WNT3: variants seen among roughly 807,000 people sequenced by gnomAD.
WNT3 encodes the protein proto-oncogene Wnt-3.
WNT3 carries 7 observed loss-of-function variants against 34.2 expected under a neutral mutation model. That is an observed-to-expected ratio of 0.20 (90% CI 0.12 to 0.38). The LOEUF (loss-of-function observed/expected upper bound fraction) is 0.38. WNT3 is among the 10% of genes least tolerant of loss of function. WNT3 has a pLI of 1.00. For missense variants in WNT3, 267 were observed against 499.8 expected, an observed-to-expected ratio of 0.53 and a Z score of 4.44; for synonymous variants, 212 against 211.5, an observed-to-expected ratio of 1.00 and a Z score of -0.02.
chr17:46,777,922 C>T (rs1371664937), intron 1 of WNT3, among the ~76,000 whole-genome samples: 1 of 152,198 alleles, frequency 6.6e-6, no homozygotes, highest in Non-Finnish European at 1.5e-5. Context: ...CCAGGTCCCA[C>T]CAACTGTGGA....
chr17:46,778,939 T>A (rs1289945823), intron 1 of WNT3, among the ~76,000 whole-genome samples: 1 of 152,056 alleles, frequency 6.6e-6, no homozygotes, highest in Non-Finnish European at 1.5e-5. Context: ...AACCTTCTTA[T>A]CCCAAAGTGC....
chr17:46,772,943 C>G (rs2059386459), intron 2 of WNT3, among the ~76,000 whole-genome samples: 1 of 152,178 alleles, frequency 6.6e-6, no homozygotes, highest in Non-Finnish European at 1.5e-5. Flanking sequence ...CGTTAAATTC[C>G]TGGACACTGC....
At chr17:46,770,379 T>C (rs559053692) in intron 2 of WNT3, among the ~76,000 whole-genome samples, 1 of 152,344 alleles carries the variant, frequency 6.6e-6, no homozygotes, top group South Asian at 2.1e-4. Context: ...CAGCCACTTC[T>C]GTCCTGGTCC....
At chr17:46,791,708 G>A (rs1188430863) in intron 1 of WNT3, among the ~76,000 whole-genome samples, 2 of 152,212 alleles carry the variant, frequency 1.3e-5, no homozygotes, top group South Asian at 4.1e-4. Flanking sequence ...AAGTAGGAAG[G>A]CATTTCTTCT....
At chr17:46,789,964 G>A (rs959662817) in intron 1 of WNT3, among the ~76,000 whole-genome samples, 10 of 152,090 alleles carry the variant, frequency 6.6e-5, no homozygotes, top group East Asian at 1.9e-4. Context: ...ATCCCCCCAC[G>A]GCGCTGAGGA....
chr17:46,796,251 G>A (rs8080199), intron 1 of WNT3, among the ~76,000 whole-genome samples: 129,274 of 152,266 alleles, frequency 0.85, 55,406 homozygotes, highest in East Asian at 0.94. Flanking sequence ...TAAAGCTTTT[G>A]TCACAGTCCC....
Position 46,769,915 on chromosome 17 carries a change from G to C in WNT3, c.456C>G (p.Gly152=), listed in dbSNP as rs1297837317. ...DSHHKGPPGE[G]WKWGGCSEDA... is the part of the protein sequence containing the mutation. ...CCTCGCTGCAGCCGCCCCACTTCCA[G>C]CCTTCGCCAGGCGGCCCCTTATGAT... The change falls in exon 3 of 5, where the codon GGC becomes GGG. Residue 152 remains glycine (G), a synonymous_variant. Transcript: ENST00000225512. The C allele has an allele frequency of 6.2e-7, 1 of 1,613,456 alleles. No individual in the cohort carries two copies. Among genetic ancestry groups the C allele is most frequent in the Non-Finnish European group, 8.5e-7 (1 of 1,179,908 alleles).
chr17:46,815,367 G>T (rs536785789), intron 1 of WNT3, among the ~76,000 whole-genome samples: 3 of 152,322 alleles, frequency 2.0e-5, no homozygotes, highest in Non-Finnish European at 1.5e-5. Flanking sequence ...CTTCTGTCAG[G>T]ACTGGGGTCT....
At chr17:46,772,326 G>A (rs1298585928) in intron 2 of WNT3, among the ~76,000 whole-genome samples, 1 of 152,236 alleles carries the variant, frequency 6.6e-6, no homozygotes, top group Non-Finnish European at 1.5e-5. Flanking sequence ...CTACGGTGGT[G>A]ACTTAAAACG....
chr17:46,791,317 G>A (rs1237061172), intron 1 of WNT3, among the ~76,000 whole-genome samples: 2 of 151,862 alleles, frequency 1.3e-5, no homozygotes, highest in Non-Finnish European at 2.9e-5. Flanking sequence ...AGGTTCAAGC[G>A]ATTCTCCTCC....
Position 46,768,692 on chromosome 17 carries a change from G to C in WNT3, c.696C>G (p.Asp232Glu). 6.2e-7 allele frequency: 1 copy of C among 1,614,138 alleles called. No homozygotes were observed. The highest frequency in any genetic ancestry group is 8.5e-7 in the Non-Finnish European group (1 of 1,180,046). Residue 232 changes from aspartate (D) to glutamate (E), a missense_variant, in exon 4 of 5, where the codon GAC becomes GAG. Coordinates refer to ENST00000225512, the MANE Select transcript of WNT3 (RefSeq NM_030753.5). This position sits in a 1 kb window ranked among gnomAD's most constrained non-coding sequence, Gnocchi z 5.0. ...CGCTGTCATACTTGTCCTTGAGGAAGTCACCGATGGCACGGAAGTCAGGCT... is the reference window on the plus strand; with the variant it reads ...CGCTGTCATACTTGTCCTTGAGGAACTCACCGATGGCACGGAAGTCAGGCT... ...WAQPDFRAIG[D>E]FLKDKYDSAS...
chr17:46,815,775 G>A (rs1228835739), intron 1 of WNT3, among the ~76,000 whole-genome samples: 1 of 152,130 alleles, frequency 6.6e-6, no homozygotes, highest in African/African-American at 2.4e-5. Context: ...TGCCATCCCT[G>A]GCCAGCTGTG....
At chr17:46,771,651 CCGCCGGG>C (rs2059371626) in intron 2 of WNT3, among the ~76,000 whole-genome samples, 1 of 144,186 alleles carries the variant, frequency 6.9e-6, no homozygotes, top group Non-Finnish European at 1.5e-5. Flanking sequence ...CGGGCCCGGG[CCGCCGGG>C]CCGGCCGCCA....
At chr17:46,783,495 G>A (rs1276970651) in intron 1 of WNT3, among the ~76,000 whole-genome samples, 1 of 152,228 alleles carries the variant, frequency 6.6e-6, no homozygotes, top group Admixed American at 6.5e-5. Context: ...CCCAGCCCAG[G>A]AGGCTGCTGT....
intron 1 of WNT3, among the ~76,000 whole-genome samples, chr17:46,779,192 C>T (rs1284582094): frequency 1.3e-5 from 2 of 151,990 alleles, no homozygotes; most frequent in African/African-American, 2.4e-5. Context: ...TTCCAAAGGA[C>T]GAGCCTGATG....
intron 1 of WNT3, among the ~76,000 whole-genome samples, chr17:46,780,899 A>G (rs955364864): frequency 3.3e-5 from 5 of 152,182 alleles, no homozygotes; most frequent in African/African-American, 1.2e-4. Flanking sequence ...TGAATGGATA[A>G]ACAACAGGTG....
chr17:46,801,700 G>T (rs931890813), intron 1 of WNT3, among the ~76,000 whole-genome samples: 9 of 152,256 alleles, frequency 5.9e-5, no homozygotes, highest in South Asian at 2.1e-4. Context: ...AAGAAGATCC[G>T]TTGAGGCTGA....
At chr17:46,798,926 T>C (rs929769186) in intron 1 of WNT3, among the ~76,000 whole-genome samples, 1 of 151,668 alleles carries the variant, frequency 6.6e-6, no homozygotes, top group Non-Finnish European at 1.5e-5. Flanking sequence ...TGCGTGCCTG[T>C]AGTCCCAGCT....
At position 46,789,664 on chromosome 17, in the gene WNT3, G is replaced by A. The variant is rs142285808; in HGVS notation, c.81-15755C>T. On this transcript the variant is annotated intron_variant, in intron 1 of 4. Coordinates refer to ENST00000225512, the MANE Select transcript of WNT3 (RefSeq NM_030753.5). ...GGGGAAGCAACTGGACAAATTCAGA[G>A]CAGGGTTTGAACCCAGGGCCTTGCC... Among the ~76,000 whole-genome samples the A allele has an allele frequency of 3.9e-3, 598 of 152,330 alleles. 4 individuals carry two copies. Among genetic ancestry groups the A allele is most frequent in the African/African-American group, 0.014 (565 of 41,560 alleles).
Sources: allele counts gnomAD v4.1 joint callset (sites outside exome capture counted in the v4.1 genomes callset), GRCh38; gene constraint gnomAD v4.1.1; non-coding constraint Gnocchi (gnomAD v3.1); transcripts MANE v1.5; gene names NCBI Gene and HGNC (gene_info 2026-07-23, HGNC 2026-07-21).